Variants in SGCD observed in about 807,000 individuals in gnomAD.
SGCD encodes delta-sarcoglycan.
SGCD carries 18 observed loss-of-function variants against 36.6 expected under a neutral mutation model. The observed-to-expected ratio is 0.49, with a 90% CI of 0.34 to 0.73. The LOEUF is 0.73. Among genes scored for constraint, SGCD ranks in the 30% least tolerant of loss-of-function variants. The pLI is 0.01. For missense variants in SGCD, 387 were observed against 346.7 expected (o/e 1.12, Z -0.92); for synonymous variants, 133 against 130.6 (o/e 1.02, Z -0.12).
chr5:156,317,961 T>C (rs1767562079), intron 3 of SGCD, among the ~76,000 whole-genome samples: 1 of 152,206 alleles, frequency 6.6e-6, no homozygotes, highest in South Asian at 2.1e-4. Context: ...CATTATTCTA[T>C]ATGCTATGTC....
chr5:155,918,881 G>A (rs1007609229), intron 1 of SGCD, among the ~76,000 whole-genome samples: 1 of 152,188 alleles, frequency 6.6e-6, no homozygotes, highest in Non-Finnish European at 1.5e-5. Flanking sequence ...TAAAGAATAT[G>A]TGTATATGTG....
chr5:156,216,387 A>G (rs1764574549), intron 3 of SGCD, among the ~76,000 whole-genome samples: 1 of 152,228 alleles, frequency 6.6e-6, no homozygotes, highest in Admixed American at 6.5e-5. Context: ...TAGCCATTCC[A>G]CGGTGTATAC....
At chr5:156,329,609 C>G (rs760905440) in intron 2 of SGCD, 30 bp downstream of exon 2, 39 of 1,605,768 alleles carry the variant, frequency 2.4e-5, no homozygotes, top group Non-Finnish European at 3.0e-5. Context: ...GAAGCTTGTT[C>G]AAGGCCCTGC....
intron 1 of SGCD, among the ~76,000 whole-genome samples, chr5:155,889,951 G>T (rs766070537): frequency 2.0e-5 from 3 of 152,186 alleles, no homozygotes; most frequent in Middle Eastern, 3.2e-3. Context: ...GAGACAAGAA[G>T]GCAGTCAGCA....
intron 3 of SGCD, among the ~76,000 whole-genome samples, chr5:156,486,849 G>A (rs1755690647): frequency 6.6e-6 from 1 of 152,090 alleles, no homozygotes; most frequent in Non-Finnish European, 1.5e-5. Flanking sequence ...CCTGGGAACT[G>A]GTCCACTCAG....
chr5:155,874,701 A>T (rs1324874814), intron 1 of SGCD, among the ~76,000 whole-genome samples: 3 of 152,064 alleles, frequency 2.0e-5, no homozygotes, highest in Non-Finnish European at 4.4e-5. Flanking sequence ...CGTTTAAACC[A>T]CAAGGAGATA....
chr5:156,461,966 A>G (rs1332954507), intron 3 of SGCD, among the ~76,000 whole-genome samples: 1 of 152,190 alleles, frequency 6.6e-6, no homozygotes, highest in African/African-American at 2.4e-5. Context: ...TACAAATATT[A>G]GAGATTTAGG....
intron 1 of SGCD, among the ~76,000 whole-genome samples, chr5:155,893,096 C>A (rs994494875): frequency 2.0e-5 from 3 of 152,086 alleles, no homozygotes; most frequent in African/African-American, 7.2e-5. Context: ...TTGTGGATTT[C>A]TGAAGAGTTA....
intron 3 of SGCD, among the ~76,000 whole-genome samples, chr5:156,316,347 T>G (rs1767517701): frequency 6.6e-6 from 1 of 151,968 alleles, no homozygotes; most frequent in African/African-American, 2.4e-5. Flanking sequence ...TGTTCATAAA[T>G]TGGAAGAATT....
intron 7 of SGCD, among the ~76,000 whole-genome samples, chr5:156,747,955 TC>T (rs1317988948): frequency 6.6e-6 from 1 of 152,168 alleles, no homozygotes; most frequent in Admixed American, 6.5e-5. Flanking sequence ...CATAGTACTT[TC>T]TACAAAATAG....
At chr5:156,517,158 T>G (rs925576361) in intron 4 of SGCD, among the ~76,000 whole-genome samples, 1 of 152,108 alleles carries the variant, frequency 6.6e-6, no homozygotes, top group Non-Finnish European at 1.5e-5. Flanking sequence ...ATTGACCTGA[T>G]GGAGCTGAAA....
chr5:156,085,862 C>T (rs1164236683), intron 1 of SGCD, among the ~76,000 whole-genome samples: 1 of 152,156 alleles, frequency 6.6e-6, no homozygotes, highest in Non-Finnish European at 1.5e-5. Flanking sequence ...GGAAAATTCA[C>T]TCTAAATATA....
chr5:155,735,971 T>A, the SGCD span, among the ~76,000 whole-genome samples: 3 of 152,192 alleles, frequency 2.0e-5, no homozygotes, highest in Non-Finnish European at 4.4e-5. Context: ...AAAGTCATGA[T>A]CAGATGATGC....
chr5:156,146,614 A>G (rs76882635), intron 3 of SGCD, among the ~76,000 whole-genome samples: 2,185 of 152,336 alleles, frequency 0.014, 25 homozygotes, highest in Non-Finnish European at 0.024. Context: ...ACCATAGAAG[A>G]ACAAAGTTTG....
At chr5:156,019,624 G>A (rs1759055895) in intron 1 of SGCD, among the ~76,000 whole-genome samples, 1 of 152,148 alleles carries the variant, frequency 6.6e-6, no homozygotes, top group African/African-American at 2.4e-5. Flanking sequence ...TATGAAAGCA[G>A]CATACACATT....
chr5:156,714,958 G>A (rs1755154206), intron 7 of SGCD, among the ~76,000 whole-genome samples: 1 of 152,186 alleles, frequency 6.6e-6, no homozygotes, highest in Non-Finnish European at 1.5e-5. Context: ...TATCGGGAGT[G>A]CAAGCACTGT....
intron 3 of SGCD, among the ~76,000 whole-genome samples, chr5:156,181,443 G>A (rs1007812917): frequency 6.6e-6 from 1 of 152,120 alleles, no homozygotes; most frequent in African/African-American, 2.4e-5. Flanking sequence ...TATGTAAAGA[G>A]AGACTTTATT....
chr5:155,878,904 A>G (rs1755819374), intron 1 of SGCD, among the ~76,000 whole-genome samples: 1 of 152,148 alleles, frequency 6.6e-6, no homozygotes, highest in African/African-American at 2.4e-5. Flanking sequence ...AATCTTTGCT[A>G]CTTCTAGCTA....
At position 156,356,838 on chromosome 5, in the gene SGCD, A is replaced by G. The variant is rs183557440; in HGVS notation, c.192+12161A>G. Among the ~76,000 whole-genome samples the G allele has an allele frequency of 5.6e-3, 849 of 152,308 alleles. 4 individuals are homozygous for G. The highest frequency in any genetic ancestry group is 8.9e-3 in the Non-Finnish European group (607 of 68,016). The stretch of plus-strand genomic sequence containing the variant: ...TGTCCTCATAACGATGAGGCAGAGG[A>G]AAATTTGACACAGAAGAGGAGGAGG... On this transcript the variant is annotated intron_variant, in intron 3 of 8. Transcript: ENST00000337851.
Sources: allele counts gnomAD v4.1 joint callset (sites outside exome capture counted in the v4.1 genomes callset), GRCh38; gene constraint gnomAD v4.1.1; transcripts MANE v1.5; gene names NCBI Gene and HGNC (gene_info 2026-07-23, HGNC 2026-07-21).